Variants in SLC4A10 observed in about 807,000 individuals in gnomAD.
The protein encoded by SLC4A10 is sodium-driven chloride bicarbonate exchanger.
SLC4A10 carries 42 observed loss-of-function variants against 137.7 expected under a neutral mutation model. The observed-to-expected ratio is 0.30, with a 90% confidence interval of 0.24 to 0.39. The LOEUF (loss-of-function observed/expected upper bound fraction) is 0.39, where lower values mean the gene tolerates loss of function less well. Among genes scored for constraint, SLC4A10 ranks in the 10% least tolerant of loss-of-function variants. SLC4A10 has a pLI of 1.00. For synonymous variants in SLC4A10, 474 were observed against 464.1 expected (o/e 1.02, Z -0.27); for missense variants, 925 against 1,355.0 (o/e 0.68, Z 4.98).
In SLC4A10 at chr2:161,668,933, A is replaced by G. The variant is rs1429397936; in HGVS notation, c.48+44367A>G. 2.0e-5 allele frequency among the ~76,000 whole-genome samples: 3 copies of G among 152,064 alleles called. No individual in the cohort carries two copies. The East Asian group carries it at 5.8e-4, about 29-fold the overall frequency. ...AAAGGATGCCTTAATTCATTATTAA[A>G]TGTGCATTGTGTCATGCTATCAAGT... On this transcript the variant is annotated intron_variant, in intron 1 of 26. Coordinates refer to ENST00000446997, the MANE Select transcript of SLC4A10 (RefSeq NM_001178015.2).
Position 161,879,256 on chromosome 2 carries a change from T to C in SLC4A10, c.1074T>C (p.Leu358=), listed in dbSNP as rs200943887. 1.0e-3 allele frequency: 1,627 copies of C among 1,612,556 alleles called. 10 individuals carry two copies. The highest frequency in any genetic ancestry group is 3.3e-4 in the Non-Finnish European group (385 of 1,178,890). The change falls in exon 9 of 27, where the codon CTT becomes CTC. Residue 358 remains leucine (L), a synonymous_variant. Transcript: ENST00000446997. ...AFVRLSPAVL[L]QGLAEVPIPT... is the part of the protein sequence containing the mutation. Reference sequence around the variant, plus strand: ...TCAGGTTGTCTCCAGCTGTATTGCTTCAAGGACTGGCTGAAGTCCCAATCC... The same window carrying C: ...TCAGGTTGTCTCCAGCTGTATTGCTCCAAGGACTGGCTGAAGTCCCAATCC...
chr2:161,900,396 T>C (rs1682799663), intron 11 of SLC4A10, among the ~76,000 whole-genome samples: 1 of 152,100 alleles, frequency 6.6e-6, no homozygotes, highest in African/African-American at 2.4e-5. Flanking sequence ...TTACTGTTCT[T>C]TGAACAGTTA....
intron 1 of SLC4A10, among the ~76,000 whole-genome samples, chr2:161,679,558 T>C (rs932188464): frequency 2.0e-5 from 3 of 152,100 alleles, no homozygotes; most frequent in African/African-American, 7.2e-5. Context: ...TTAGTGTTCC[T>C]CAAGTTACCT....
chr2:161,756,797 A>G (rs2049700137), intron 1 of SLC4A10, among the ~76,000 whole-genome samples: 1 of 152,176 alleles, frequency 6.6e-6, no homozygotes, highest in Non-Finnish European at 1.5e-5. Context: ...ATAAGCCACA[A>G]TTGAAGTTTA....
intron 10 of SLC4A10, among the ~76,000 whole-genome samples, chr2:161,884,054 C>T (rs2062025682): frequency 6.6e-6 from 1 of 151,918 alleles, no homozygotes; most frequent in African/African-American, 2.4e-5. Flanking sequence ...TGTGAGAAGA[C>T]AGGAGGATGA....
chr2:161,823,889 C>T lies in SLC4A10; in HGVS notation c.278-15900C>T, dbSNP rs149199821. Among the ~76,000 whole-genome samples, 283 of 152,202 alleles carry T rather than the reference C, an allele frequency of 1.9e-3. 1 individual carries two copies. The highest frequency in any genetic ancestry group is 3.1e-3 in the Admixed American group (47 of 15,288). The stretch of plus-strand genomic sequence containing the variant: ...CTAACTACTGTTTTTTGGCAATTGC[C>T]GCTAGGTTTATGATCAAGACTACCC... On this transcript the variant is annotated intron_variant, in intron 3 of 26. Coordinates refer to ENST00000446997, the MANE Select transcript of SLC4A10 (RefSeq NM_001178015.2).
chr2:161,882,140 A>C (rs1164718154), intron 9 of SLC4A10, among the ~76,000 whole-genome samples: 1 of 151,334 alleles, frequency 6.6e-6, no homozygotes, highest in African/African-American at 2.4e-5. Context: ...AAAAAAAAAA[A>C]CACGGAAAAC....
At chr2:161,734,382 G>A (rs769347254) in intron 1 of SLC4A10, among the ~76,000 whole-genome samples, 6 of 152,068 alleles carry the variant, frequency 3.9e-5, no homozygotes, top group Non-Finnish European at 8.8e-5. Flanking sequence ...GTTTTATCAG[G>A]GGTTGCTGCT....
At chr2:161,706,116 TATC>T (rs1242175673) in intron 1 of SLC4A10, among the ~76,000 whole-genome samples, 1 of 151,538 alleles carries the variant, frequency 6.6e-6, no homozygotes. Flanking sequence ...AAATAGATCT[TATC>T]AACTAGATAA....
At chr2:161,903,922 C>G (rs1683716973) in intron 12 of SLC4A10, 82 bp from the exon 13 acceptor site, 1 of 1,377,982 alleles carries the variant, frequency 7.3e-7, no homozygotes, top group Non-Finnish European at 9.8e-7. Context: ...ATACTGTGAC[C>G]TGGCAACAAA....
At chr2:161,893,159 T>C (rs1420316027) in intron 10 of SLC4A10, among the ~76,000 whole-genome samples, 1 of 151,960 alleles carries the variant, frequency 6.6e-6, no homozygotes, top group East Asian at 1.9e-4. Flanking sequence ...CTGATCCAAA[T>C]AGCAAAGAAG....
intron 5 of SLC4A10, among the ~76,000 whole-genome samples, chr2:161,856,064 A>G (rs1399363856): frequency 9.9e-5 from 15 of 152,076 alleles, no homozygotes; most frequent in Non-Finnish European, 1.9e-4. Flanking sequence ...AGTAGATGTC[A>G]TTCTCATTTT....
At chr2:161,928,561 A>T (rs1689672945) in intron 15 of SLC4A10, among the ~76,000 whole-genome samples, 1 of 149,764 alleles carries the variant, frequency 6.7e-6, no homozygotes, top group Non-Finnish European at 1.5e-5. Context: ...TAATAAAAAT[A>T]TCTTGAAAAT....
At chr2:161,637,302 A>C (rs2034603702) in intron 1 of SLC4A10, among the ~76,000 whole-genome samples, 1 of 151,550 alleles carries the variant, frequency 6.6e-6, no homozygotes, top group African/African-American at 2.4e-5. Flanking sequence ...AGGTTCAAGC[A>C]ATTCTCCTGC....
At chr2:161,886,516 A>G (rs577299241) in intron 10 of SLC4A10, among the ~76,000 whole-genome samples, 1 of 152,116 alleles carries the variant, frequency 6.6e-6, no homozygotes, top group African/African-American at 2.4e-5. Context: ...TGGCACCGTC[A>G]TTCTACTTAA....
chr2:161,897,817 C>T (rs1392334079), intron 11 of SLC4A10, among the ~76,000 whole-genome samples: 1 of 151,994 alleles, frequency 6.6e-6, no homozygotes, highest in Non-Finnish European at 1.5e-5. Context: ...TGTAGAAACT[C>T]TTTAATTAAT....
intron 15 of SLC4A10, among the ~76,000 whole-genome samples, chr2:161,928,077 G>C (rs1183117700): frequency 6.6e-6 from 1 of 150,972 alleles, no homozygotes; most frequent in Non-Finnish European, 1.5e-5. Flanking sequence ...GCACACGTAT[G>C]TTTATTGTGG....
intron 16 of SLC4A10, among the ~76,000 whole-genome samples, chr2:161,944,734 C>A (rs1187390074): frequency 6.6e-6 from 1 of 151,222 alleles, no homozygotes; most frequent in African/African-American, 2.4e-5. Flanking sequence ...GTCTTTATCA[C>A]CAGAGGGAAT....
At chr2:161,629,071 C>T (rs567128656) in intron 1 of SLC4A10, among the ~76,000 whole-genome samples, 1 of 151,970 alleles carries the variant, frequency 6.6e-6, no homozygotes, top group South Asian at 2.1e-4. Context: ...TTACGATGGC[C>T]CGCAAGTAAA....
Sources: gnomAD v4.1 joint callset for allele counts (sites outside exome capture counted in the v4.1 genomes callset) on GRCh38, gnomAD v4.1.1 for gene constraint, MANE v1.5 for transcripts, NCBI Gene and HGNC (gene_info 2026-07-23, HGNC 2026-07-21) for gene names.